Variants in PPP4C observed in about 807,000 individuals in gnomAD.
PPP4C encodes the protein serine/threonine-protein phosphatase 4 catalytic subunit.
Under a neutral mutation model 40.5 loss-of-function variants are expected in PPP4C, and 10 were observed. The ratio of observed to expected loss-of-function variants is 0.25; its 90% CI spans 0.15 to 0.42. PPP4C has a LOEUF of 0.42. PPP4C is among the 10% of genes least tolerant of loss of function. PPP4C has a pLI of 1.00. For synonymous variants in PPP4C, 187 were observed against 163.6 expected (o/e 1.14, Z -1.09); for missense variants, 191 against 416.4 (o/e 0.46, Z 4.71).
chr16:30,076,143 G>A, intron 1 of PPP4C, 49 bp downstream of exon 1: 1 of 570,598 alleles, frequency 1.8e-6, no homozygotes, highest in Non-Finnish European at 3.1e-6. Context: ...GCGGGACCGC[G>A]GGGTTCGACG....
In PPP4C at chr16:30,083,894, C is replaced by A; in HGVS notation, c.604+113C>A. On this transcript the variant is annotated intron_variant, in intron 7 of 8. Transcript: ENST00000279387. The surrounding 1 kb of genome is among the most constrained non-coding windows in gnomAD (Gnocchi z 6.3). The stretch of plus-strand genomic sequence containing the variant: ...CCTCCACCTGCCAAATGGCTGGAAC[C>A]CTGGAGGAGGAGCAGGGAGGCCTGC... 2 of 1,494,074 alleles carry A rather than the reference C, an allele frequency of 1.3e-6. No homozygotes were observed. The highest frequency in any genetic ancestry group is 1.2e-5 in the South Asian group (1 of 82,764). 92.6% of individuals were successfully genotyped at this position (1,494,074 alleles called of 1,614,324 possible). A position where few individuals can be genotyped will look rare whatever the true frequency, so the allele number is the denominator to read the frequency against.
intron 3 of PPP4C, chr16:30,081,571 C>G (rs1329613260): frequency 6.2e-6 from 2 of 320,398 alleles, no homozygotes; most frequent in South Asian, 9.0e-5. Flanking sequence ...ATGGTGAAAC[C>G]GTTTCTACTA....
intron 2 of PPP4C, among the ~76,000 whole-genome samples, chr16:30,078,716 A>G (rs2072449701): frequency 6.6e-6 from 1 of 152,238 alleles, no homozygotes; most frequent in South Asian, 2.1e-4. Context: ...TGCTACTAGA[A>G]ATATTAGCAC....
chr16:30,078,867 G>C lies in PPP4C; in HGVS notation c.98+2392G>C, dbSNP rs150352024. On this transcript the variant is annotated intron_variant, in intron 2 of 8. Coordinates refer to ENST00000279387, the MANE Select transcript of PPP4C (RefSeq NM_002720.3). ...CATGCAGTTGAGAGTCCGGGTATCCGGGCACAGGGCCTGCTGCGCTGGTAG... is the reference window on the plus strand; with the variant it reads ...CATGCAGTTGAGAGTCCGGGTATCCCGGCACAGGGCCTGCTGCGCTGGTAG... Among the ~76,000 whole-genome samples, 3 of 152,276 alleles carry C rather than the reference G, an allele frequency of 2.0e-5. No homozygotes were observed. The East Asian group carries it at 5.8e-4, about 29-fold the overall frequency.
chr16:30,083,807 C>T lies in PPP4C; in HGVS notation c.604+26C>T, dbSNP rs1225639995. ...GTGAGGGCATGTGGGCAGGGGCAGG[C>T]AGGGACAGCCAGGAGGGGTTGGGAA... On this transcript the variant is annotated intron_variant, in intron 7 of 8. Transcript: ENST00000279387. The surrounding 1 kb of genome is among the most constrained non-coding windows in gnomAD (Gnocchi z 6.3). 9 of 1,611,874 alleles carry T rather than the reference C, an allele frequency of 5.6e-6. No individual in the cohort carries two copies. In the East Asian group the frequency reaches 1.8e-4, roughly 32 times the overall value.
At chr16:30,079,613 G>T (rs570161769) in intron 2 of PPP4C, among the ~76,000 whole-genome samples, 1 of 152,188 alleles carries the variant, frequency 6.6e-6, no homozygotes, top group Non-Finnish European at 1.5e-5. Flanking sequence ...GGGAGAGTCC[G>T]GGTACTGATG....
chr16:30,082,827 C>T lies in PPP4C; in HGVS notation c.283C>T (p.Leu95Phe). 1 of 1,614,092 alleles carries T rather than the reference C, an allele frequency of 6.2e-7. No individual in the cohort carries two copies. The change falls in exon 5 of 9, where the codon CTC becomes TTC. Residue 95 changes from leucine (L) to phenylalanine (F), a missense_variant. By Grantham distance (22) the Leu-to-Phe change is conservative (BLOSUM62 0). Transcript: ENST00000279387. Reference protein sequence around the residue: ...DRGFYSVETFLLLLALKVRYP... With the variant: ...DRGFYSVETFFLLLALKVRYP... ...TGGCTTCTATAGCGTCGAAACGTTC[C>T]TCCTGCTGCTGGCACTTAAGGTGGC...
Position 30,076,367 on chromosome 16 carries a change from G to T in PPP4C, c.-11G>T, listed in dbSNP as rs757126168. On this transcript the variant is annotated 5_prime_UTR_variant, in exon 2 of 9. Transcript: ENST00000279387. ...GGCGGCCCCGACTCTGACCCGCGCC[G>T]GGGGTGGGCCATGGCGGAGATCAGC... The T allele has an allele frequency of 9.9e-6, 16 of 1,611,882 alleles. No individual in the cohort carries two copies. Among genetic ancestry groups the T allele is most frequent in the Admixed American group, 8.3e-5 (5 of 59,928 alleles).
At chr16:30,078,922 T>C (rs2072453400) in intron 2 of PPP4C, among the ~76,000 whole-genome samples, 1 of 152,160 alleles carries the variant, frequency 6.6e-6, no homozygotes, top group Non-Finnish European at 1.5e-5. Flanking sequence ...CTGATAGGGC[T>C]GGGGAAGTGC....
At chr16:30,076,233 G>A in intron 1 of PPP4C, 82 bp from the exon 2 acceptor site, 2 of 805,996 alleles carry the variant, frequency 2.5e-6, no homozygotes, top group Non-Finnish European at 1.9e-6. Flanking sequence ...GGGTGGGGGA[G>A]CCGGGCCGGC....
chr16:30,084,585 G>A (rs1278457302), intron 7 of PPP4C, 81 bp from the exon 8 acceptor site: 48 of 1,363,746 alleles, frequency 3.5e-5, no homozygotes, highest in Non-Finnish European at 4.4e-5. Flanking sequence ...GGAGGGGCCA[G>A]GCTGCTCACC....
At chr16:30,079,930 C>T (rs72791226) in intron 2 of PPP4C, among the ~76,000 whole-genome samples, 3,352 of 152,210 alleles carry the variant, frequency 0.022, 46 homozygotes, top group Non-Finnish European at 0.034. Flanking sequence ...ATCTGTGTAC[C>T]GGGAATCATC....
chr16:30,079,337 G>A (rs746454500), intron 2 of PPP4C, among the ~76,000 whole-genome samples: 10 of 151,826 alleles, frequency 6.6e-5, no homozygotes, highest in African/African-American at 1.5e-4. Context: ...TTACAGGCAC[G>A]CGCCACCATG....
intron 7 of PPP4C, among the ~76,000 whole-genome samples, chr16:30,084,438 T>A (rs1025370940): frequency 1.3e-5 from 2 of 152,262 alleles, no homozygotes; most frequent in Admixed American, 1.3e-4. Flanking sequence ...ACTGTGATTA[T>A]GAGGGGGCCC....
Position 30,085,270 on chromosome 16 carries a change from G to T in PPP4C, c.*208G>T. The stretch of plus-strand genomic sequence containing the variant: ...CCTCTCTCCCCACTTGAACCATGAA[G>T]TTTCCAATAATTTTTTTTTCTTTTT... On this transcript the variant is annotated 3_prime_UTR_variant, in exon 9 of 9. Transcript: ENST00000279387. 4.8e-6 allele frequency: 2 copies of T among 418,292 alleles called. No individual in the cohort carries two copies. Among genetic ancestry groups the T allele is most frequent in the South Asian group, 1.0e-4 (1 of 9,698 alleles). The allele number at this position is 418,292 out of a possible 1,614,324, so 25.9% of individuals were successfully genotyped here.
At position 30,085,229 on chromosome 16, in the gene PPP4C, G is replaced by A. The variant is rs1487875653; in HGVS notation, c.*167G>A. 1.5e-6 allele frequency: 1 copy of A among 687,554 alleles called. No homozygotes were observed. The highest frequency in any genetic ancestry group is 2.3e-6 in the Non-Finnish European group (1 of 427,290). The allele number at this position is 687,554 out of a possible 1,614,324, so 42.6% of individuals were successfully genotyped here. On this transcript the variant is annotated 3_prime_UTR_variant, in exon 9 of 9. Coordinates refer to ENST00000279387, the MANE Select transcript of PPP4C (RefSeq NM_002720.3). ...TTCTCTGGAGAGGCCTGGAGACCTA[G>A]CTCCATGTTCCTCCTCCTCTCTCCC...
intron 2 of PPP4C, 51 bp downstream of exon 2, chr16:30,076,526 C>T (rs772009819): frequency 6.5e-7 from 1 of 1,542,028 alleles, no homozygotes; most frequent in East Asian, 2.4e-5. Flanking sequence ...CCCACGGGTT[C>T]TGGCCTGGGG....
rs764063023 is a variant in PPP4C, at chr16:30,083,655, A to T, written c.478A>T (p.Ile160Phe). Residue 160 changes from isoleucine to phenylalanine, a missense_variant and splice_region_variant, in exon 7 of 9, where the codon ATC becomes TTC. This residue lies in a region of PPP4C where 171 missense variants were observed against 352.4 expected (regional missense o/e 0.49). Transcript: ENST00000279387. The surrounding 1 kb of genome is among the most constrained non-coding windows in gnomAD (Gnocchi z 6.3). ...LSLSAIIDGK[I>F]FCVHGGLSPS... The stretch of plus-strand genomic sequence containing the variant: ...CCTCTTTCCCTGCTCTCCCCTGTAG[A>T]TCTTCTGCGTGCACGGGGGCCTCTC... 1 of 1,614,056 alleles carries T rather than the reference A, an allele frequency of 6.2e-7. No individual in the cohort carries two copies. The highest frequency in any genetic ancestry group is 1.1e-5 in the South Asian group (1 of 91,080).
intron 3 of PPP4C, 69 bp downstream of exon 3, chr16:30,081,379 G>T: frequency 7.4e-7 from 1 of 1,358,282 alleles, no homozygotes; most frequent in South Asian, 1.2e-5. Flanking sequence ...TCTTCATCTT[G>T]GGGGCTCTAT....
Sources: allele counts gnomAD v4.1 joint callset (sites outside exome capture counted in the v4.1 genomes callset), GRCh38; gene constraint gnomAD v4.1.1; regional missense constraint gnomAD v4.1.1; non-coding constraint Gnocchi (gnomAD v3.1); transcripts MANE v1.5; gene names NCBI Gene and HGNC (gene_info 2026-07-23, HGNC 2026-07-21).